TNS2: variants seen among roughly 807,000 people sequenced by gnomAD.
TNS2 encodes tensin-2.
In TNS2, 77 loss-of-function variants were observed where a neutral mutation model predicts 155.7. The ratio of observed to expected loss-of-function variants is 0.49; its 90% CI spans 0.41 to 0.60. TNS2 has a LOEUF of 0.60. Ranked by LOEUF, TNS2 falls within the 20% of genes least tolerant of loss-of-function variation. The pLI is 0.00. For synonymous variants in TNS2, 726 were observed against 763.9 expected (o/e 0.95, Z 0.82); for missense variants, 1,703 against 1,868.8 (o/e 0.91, Z 1.64).
intron 13 of TNS2, 69 bp from the exon 14 acceptor site, chr12:53,057,958 C>G (rs1024764125): frequency 2.5e-6 from 4 of 1,610,240 alleles, no homozygotes; most frequent in South Asian, 2.2e-5. Context: ...CTGGCTCCCC[C>G]TGACTGCATA....
chr12:53,059,608 C>T lies in TNS2; in HGVS notation c.1967C>T (p.Pro656Leu), dbSNP rs1397163971. ...SLSEGLYPYP[P>L]EMGKPATGDF... ...TCAGAGGGGCTATACCCCTACCCAC[C>T]TGAGATGGGGAAACCAGCCACTGGG... is the stretch of plus-strand genomic sequence containing the variant. The change falls in exon 18 of 29, where the codon CCT becomes CTT. Residue 656 changes from proline (P) to leucine (L), a missense_variant. Pro to Leu is a moderately conservative substitution (Grantham distance 98). Transcript: ENST00000314250. The surrounding 1 kb of genome is among the most constrained non-coding windows in gnomAD (Gnocchi z 4.7). 1 of 1,612,284 alleles carries T rather than the reference C, an allele frequency of 6.2e-7. No homozygotes were observed. The highest frequency in any genetic ancestry group is 1.3e-5 in the African/African-American group (1 of 74,984).
chr12:53,049,930 C>G, upstream of TNS2: 1 of 892,716 alleles, frequency 1.1e-6, no homozygotes, highest in Non-Finnish European at 1.6e-6. Context: ...ACACTCCCAG[C>G]AGGGTAGATC....
At chr12:53,053,835 G>C (rs1944030619) in intron 5 of TNS2, 23 bp downstream of exon 5, 2 of 1,613,520 alleles carry the variant, frequency 1.2e-6, no homozygotes, top group Admixed American at 3.3e-5. Flanking sequence ...TGGAGCAGGA[G>C]GGGGAAGCAG....
rs74088913 is a variant in TNS2 at position 53,063,436 on chromosome 12, C to T, written c.4061+19C>T. The stretch of plus-strand genomic sequence containing the variant: ...ACCGGAGGTGACTCTCCCTCCAAAC[C>T]CTTTGCCCCAAATCCCCATGGTCCC... On this transcript the variant is annotated intron_variant, in intron 27 of 28. Coordinates refer to ENST00000314250, the MANE Select transcript of TNS2 (RefSeq NM_170754.4). The surrounding 1 kb of genome is among the most constrained non-coding windows in gnomAD (Gnocchi z 5.6). 2 of 1,613,494 alleles carry T rather than the reference C, an allele frequency of 1.2e-6. No individual in the cohort carries two copies. The highest frequency in any genetic ancestry group is 1.3e-5 in the African/African-American group (1 of 74,838).
Position 53,061,231 on chromosome 12 carries a change from C to A in TNS2, c.3325C>A (p.Pro1109Thr), listed in dbSNP as rs374401429. ...RGISHHVTFA[P>T]LLSDNVPQTP... is the part of the protein sequence containing the mutation. ...CATCAGTCACCATGTCACCTTCGCA[C>A]CTCTGCTCTCAGATAATGTCCCCCA... Residue 1109 changes from proline (P) to threonine (T), a missense_variant, in exon 20 of 29, where the codon CCT becomes ACT. Transcript: ENST00000314250. 3.2e-6 allele frequency: 5 copies of A among 1,569,806 alleles called. No homozygotes were observed. The East Asian group carries it at 1.1e-4, about 35-fold the overall frequency.
In TNS2 at chr12:53,061,952, C is replaced by T; in HGVS notation, c.3574+12C>T. 2 of 1,610,056 alleles carry T rather than the reference C, an allele frequency of 1.2e-6. No individual in the cohort carries two copies. The highest frequency in any genetic ancestry group is 2.7e-5 in the African/African-American group (2 of 74,992). On this transcript the variant is annotated intron_variant, in intron 22 of 28. Transcript: ENST00000314250. The stretch of plus-strand genomic sequence containing the variant: ...CCAGCCCTGGAAAGGTACAGAACAC[C>T]CAAACCTGAGTGGGGTGGGGATGAA...
chr12:53,053,180 G>T, intron 3 of TNS2: 1 of 571,856 alleles, frequency 1.7e-6, no homozygotes, highest in Admixed American at 2.8e-5. Flanking sequence ...ATGAATGGGG[G>T]TCTGTGTGGG....
chr12:53,058,770 G>A lies in TNS2; in HGVS notation c.1348G>A (p.Ala450Thr), dbSNP rs1342514388. ...TGTCGACTACAACACCACTGAGCCA[G>A]CCGTGCGCTGGGACTCCTATGAGAA... ...VSVDYNTTEPAVRWDSYENFN... is the reference protein window; with the variant it reads ...VSVDYNTTEPTVRWDSYENFN... The change falls in exon 17 of 29, where the codon GCC becomes ACC. Residue 450 changes from alanine (A) to threonine (T), a missense_variant. Coordinates refer to ENST00000314250, the MANE Select transcript of TNS2 (RefSeq NM_170754.4). 1.2e-6 allele frequency: 2 copies of A among 1,613,980 alleles called. No individual in the cohort carries two copies. Among genetic ancestry groups the A allele is most frequent in the Non-Finnish European group, 1.7e-6 (2 of 1,179,998 alleles).
Position 53,059,064 on chromosome 12 carries a change from CG to C in TNS2, c.1427del (p.Gly476ValfsTer44). 1 of 1,538,224 alleles carries C rather than the reference CG, an allele frequency of 6.5e-7. No individual in the cohort carries two copies. Among genetic ancestry groups the C allele is most frequent in the Non-Finnish European group, 8.7e-7 (1 of 1,145,050 alleles). ...DSVDGSLTHT[R>X]GPLDGSPYAQ... ...CCACTCAGGCTCCTTGACCCACACCCGGGGTCCCCTGGATGGCAGTCCTTAT... is the reference window on the plus strand; with the variant it reads ...CCACTCAGGCTCCTTGACCCACACCCGGGTCCCCTGGATGGCAGTCCTTAT... On this transcript the variant is annotated frameshift_variant, in exon 18 of 29. Coordinates refer to ENST00000314250, the MANE Select transcript of TNS2 (RefSeq NM_170754.4). LOFTEE classifies it high-confidence loss of function. This position sits in a 1 kb window ranked among gnomAD's most constrained non-coding sequence, Gnocchi z 4.7.
chr12:53,061,535 G>A (rs1944385909), intron 21 of TNS2, 66 bp downstream of exon 21: 1 of 1,548,678 alleles, frequency 6.5e-7, no homozygotes, highest in Non-Finnish European at 8.9e-7. Flanking sequence ...TTGGCTTTAA[G>A]TCCCATCCTG....
intron 2 of TNS2, 97 bp downstream of exon 2, chr12:53,052,060 T>C (rs1417916880): frequency 1.9e-6 from 2 of 1,048,162 alleles, no homozygotes; most frequent in Non-Finnish European, 2.8e-6. Flanking sequence ...AAATGTAATA[T>C]GCTGCTCCTG....
Position 53,050,403 on chromosome 12 carries a change from T to C in TNS2, c.75+143T>C, listed in dbSNP as rs891896331. ...CCCTGGCCCAGCATCCCCTCCGGAG[T>C]GGCCAGGGCTGTAGTGTGAGGGGAT... On this transcript the variant is annotated intron_variant, in intron 1 of 28. Transcript: ENST00000314250. The surrounding 1 kb of genome is among the most constrained non-coding windows in gnomAD (Gnocchi z 4.7). 6.1e-6 allele frequency: 6 copies of C among 984,258 alleles called. No homozygotes were observed. In the Admixed American group the frequency reaches 1.7e-4, roughly 27 times the overall value. The allele number at this position is 984,258 out of a possible 1,614,324, so 61.0% of individuals were successfully genotyped here. A position where few individuals can be genotyped will look rare whatever the true frequency, so the allele number is the denominator to read the frequency against.
chr12:53,063,299 C>T lies in TNS2; in HGVS notation c.3992+42C>T. 1 of 1,613,988 alleles carries T rather than the reference C, an allele frequency of 6.2e-7. No homozygotes were observed. The highest frequency in any genetic ancestry group is 8.5e-7 in the Non-Finnish European group (1 of 1,179,948). The stretch of plus-strand genomic sequence containing the variant: ...CTGTAGAACCCCATGCTTAAGGCCC[C>T]TGGGGGCTCATGTTTCTGAGTGTGA... On this transcript the variant is annotated intron_variant, in intron 26 of 28. Transcript: ENST00000314250. The surrounding 1 kb of genome is among the most constrained non-coding windows in gnomAD (Gnocchi z 5.6).
rs372504652 is a variant in TNS2, at chr12:53,058,160, T to C, written c.1095+58T>C. ...GGAGATGGGGCAGGGGTTGGTGGTGTAACGGCACAGTCACCAATTTGAGAC... is the reference window on the plus strand; with the variant it reads ...GGAGATGGGGCAGGGGTTGGTGGTGCAACGGCACAGTCACCAATTTGAGAC... On this transcript the variant is annotated intron_variant, in intron 14 of 28. Coordinates refer to ENST00000314250, the MANE Select transcript of TNS2 (RefSeq NM_170754.4). 2.8e-3 allele frequency: 4,469 copies of C among 1,612,338 alleles called. 25 individuals carry two copies. Among genetic ancestry groups the C allele is most frequent in the South Asian group, 4.4e-3 (398 of 90,964 alleles).
At position 53,061,414 on chromosome 12, in the gene TNS2, G is replaced by A; in HGVS notation, c.3393G>A (p.Lys1131=). The change falls in exon 21 of 29, where the codon AAG becomes AAA. Residue 1131 remains lysine (K), a synonymous_variant. Transcript: ENST00000314250. ...PPTQESQSNV[K]FVQDTSKFWY... ...CACAAGAGAGCCAAAGCAATGTCAA[G>A]TTTGTCCAGGATACATCCAAGTTCT... is the stretch of plus-strand genomic sequence containing the variant. The A allele has an allele frequency of 1.9e-6, 3 of 1,614,014 alleles. No individual in the cohort carries two copies. Among genetic ancestry groups the A allele is most frequent in the South Asian group, 2.2e-5 (2 of 91,088 alleles).
rs746187560 is a variant in TNS2 at position 53,063,244 on chromosome 12, G to A, written c.3979G>A (p.Asp1327Asn). The stretch of plus-strand genomic sequence containing the variant: ...GTCAGCCCAGGGCATTACACTGACG[G>A]ACAACCAAAGGAAGTATGTATACTC... ...KVSAQGITLTDNQRKLFFRRH... is the reference protein window; with the variant it reads ...KVSAQGITLTNNQRKLFFRRH... The change falls in exon 26 of 29, where the codon GAC becomes AAC. Residue 1327 changes from aspartate to asparagine, a missense_variant. Asp to Asn is a conservative substitution (Grantham distance 23). Coordinates refer to ENST00000314250, the MANE Select transcript of TNS2 (RefSeq NM_170754.4). This position sits in a 1 kb window ranked among gnomAD's most constrained non-coding sequence, Gnocchi z 5.6. 5 of 1,612,940 alleles carry A rather than the reference G, an allele frequency of 3.1e-6. No individual in the cohort carries two copies. The highest frequency in any genetic ancestry group is 4.2e-6 in the Non-Finnish European group (5 of 1,179,568).
At chr12:53,047,966 G>A (rs1023695546), upstream of TNS2, among the ~76,000 whole-genome samples, 4 of 152,214 alleles carry the variant, frequency 2.6e-5, no homozygotes, top group Non-Finnish European at 4.4e-5. Flanking sequence ...CCAGAAAGGG[G>A]GGTGTGGGTG....
In TNS2 at chr12:53,050,479, C is replaced by G. The variant is rs890030621; in HGVS notation, c.75+219C>G. Among the ~76,000 whole-genome samples, 1 of 152,104 alleles carries G rather than the reference C, an allele frequency of 6.6e-6. No individual in the cohort carries two copies. The highest frequency in any genetic ancestry group is 1.5e-5 in the Non-Finnish European group (1 of 67,998). On this transcript the variant is annotated intron_variant, in intron 1 of 28. Transcript: ENST00000314250. This position sits in a 1 kb window ranked among gnomAD's most constrained non-coding sequence, Gnocchi z 4.7. ...TCTGTTTTGGCTCCTCTCACCTTCC[C>G]TGCTCTAGCCTGGGCCAACCCCAGG... is the stretch of plus-strand genomic sequence containing the variant.
Position 53,060,271 on chromosome 12 carries a change from A to T in TNS2, c.2617+13A>T. 3 of 1,537,988 alleles carry T rather than the reference A, an allele frequency of 2.0e-6. No individual in the cohort carries two copies. Among genetic ancestry groups the T allele is most frequent in the Non-Finnish European group, 2.6e-6 (3 of 1,141,864 alleles). ...TTGGCATCTGCAGGTGAGGGGCACC[A>T]GAGTGCGGAGTGCCCAGGGCAGAGG... On this transcript the variant is annotated intron_variant, in intron 18 of 28. Coordinates refer to ENST00000314250, the MANE Select transcript of TNS2 (RefSeq NM_170754.4). The surrounding 1 kb of genome is among the most constrained non-coding windows in gnomAD (Gnocchi z 6.1).
Sources: gnomAD v4.1 joint callset for allele counts (sites outside exome capture counted in the v4.1 genomes callset) on GRCh38, gnomAD v4.1.1 for gene constraint, Gnocchi (gnomAD v3.1) non-coding constraint, MANE v1.5 for transcripts, NCBI Gene and HGNC (gene_info 2026-07-23, HGNC 2026-07-21) for gene names.